PDILT: variants seen among roughly 807,000 people sequenced by gnomAD.
The protein encoded by PDILT is protein disulfide isomerase like, testis expressed, also known as protein disulfide-isomerase-like protein of the testis.
PDILT carries 43 observed loss-of-function variants against 53.7 expected under a neutral mutation model. That is an observed-to-expected ratio of 0.80 (90% confidence interval 0.63 to 1.03). The LOEUF is 1.03. PDILT is among the 50% of genes least tolerant of loss of function. The pLI, the probability that PDILT is intolerant of heterozygous loss-of-function variation, is 0.00. For synonymous variants in PDILT, 282 were observed against 274.2 expected (o/e 1.03, Z -0.28); for missense variants, 727 against 712.3 (o/e 1.02, Z -0.24).
chr16:20,366,090 C>CAA (rs34816350), intron 8 of PDILT, among the ~76,000 whole-genome samples: 17 of 72,228 alleles, frequency 2.4e-4, no homozygotes, highest in Admixed American at 3.2e-4. Flanking sequence ...ATTTCGTCTC[C>CAA]AAAAAAAAAA....
At chr16:20,391,824 G>C (rs1042929724) in intron 2 of PDILT, among the ~76,000 whole-genome samples, 3 of 151,938 alleles carry the variant, frequency 2.0e-5, no homozygotes, top group Non-Finnish European at 4.4e-5. Flanking sequence ...GACTAAGTGG[G>C]AGTGAAGGTG....
intron 5 of PDILT, 54 bp downstream of exon 5, chr16:20,374,768 A>T: frequency 6.4e-7 from 1 of 1,556,414 alleles, no homozygotes; most frequent in Non-Finnish European, 8.7e-7. Context: ...AGCTCATACG[A>T]TTCCACTACT....
At chr16:20,375,027 G>A in intron 4 of PDILT, 68 bp from the exon 5 acceptor site, 3 of 1,490,582 alleles carry the variant, frequency 2.0e-6, no homozygotes, top group Non-Finnish European at 2.7e-6. Context: ...ATAAGGGAAA[G>A]ACGGCAGTGG....
At chr16:20,394,518 A>G (rs1444971566) in intron 2 of PDILT, among the ~76,000 whole-genome samples, 5 of 152,208 alleles carry the variant, frequency 3.3e-5, no homozygotes, top group Non-Finnish European at 7.3e-5. Context: ...GGCAGTGATC[A>G]GGCCAATGGA....
Position 20,359,231 on chromosome 16 carries a change from T to C in PDILT, c.*88A>G. Reference sequence around the variant, plus strand: ...CCCCGCCCCACCTACCCTACCACAATGATATATGCTTTTATTGGAATCAAT... The same window carrying C: ...CCCCGCCCCACCTACCCTACCACAACGATATATGCTTTTATTGGAATCAAT... On this transcript the variant is annotated 3_prime_UTR_variant, in exon 12 of 12. Coordinates refer to ENST00000302451, the MANE Select transcript of PDILT (RefSeq NM_174924.2). The C allele has an allele frequency of 7.5e-7, 1 of 1,326,058 alleles. No homozygotes were observed. Among genetic ancestry groups the C allele is most frequent in the Non-Finnish European group, 1.0e-6 (1 of 978,244 alleles). 82.1% of individuals were successfully genotyped at this position (1,326,058 alleles called of 1,614,324 possible). A position where few individuals can be genotyped will look rare whatever the true frequency, so the allele number is the denominator to read the frequency against.
In PDILT at chr16:20,397,071, G is replaced by T. The variant is rs190864125; in HGVS notation, c.202+2028C>A. Among the ~76,000 whole-genome samples, 189 of 152,316 alleles carry T rather than the reference G, an allele frequency of 1.2e-3. 2 individuals are homozygous for T. Among genetic ancestry groups the T allele is most frequent in the Non-Finnish European group, 1.9e-3 (130 of 68,024 alleles). On this transcript the variant is annotated intron_variant, in intron 2 of 11. Transcript: ENST00000302451. The stretch of plus-strand genomic sequence containing the variant: ...TATTACGCATCAGTCACTGTGCTAA[G>T]CACATTATTTCACTTAATCCCCACA...
chr16:20,382,320 G>A (rs973888418), intron 3 of PDILT, among the ~76,000 whole-genome samples: 2 of 152,220 alleles, frequency 1.3e-5, no homozygotes, highest in Non-Finnish European at 2.9e-5. Flanking sequence ...ATGTAAAGCG[G>A]ATTTCAACAT....
At chr16:20,375,941 TA>T in intron 4 of PDILT, 126 bp downstream of exon 4, 12 of 1,241,328 alleles carry the variant, frequency 9.7e-6, no homozygotes, top group Admixed American at 2.4e-5. Context: ...GAGCTTCCCC[TA>T]AAAACCAGAT....
chr16:20,401,799 T>A lies in PDILT; in HGVS notation c.-7-2492A>T, dbSNP rs563877878. Among the ~76,000 whole-genome samples, 5 of 152,340 alleles carry A rather than the reference T, an allele frequency of 3.3e-5. No individual in the cohort carries two copies. In the South Asian group the frequency reaches 1.0e-3, roughly 32 times the overall value. On this transcript the variant is annotated intron_variant, in intron 1 of 11. Transcript: ENST00000302451. Reference sequence around the variant, plus strand: ...AAAAGCCAGGCGGGAGGAGCTACAGTGGGCTCCCTCTCATGTCCTCGTCTC... The same window carrying A: ...AAAAGCCAGGCGGGAGGAGCTACAGAGGGCTCCCTCTCATGTCCTCGTCTC...
chr16:20,376,280 T>C (rs145625152), intron 3 of PDILT, 79 bp from the exon 4 acceptor site: 2 of 1,552,914 alleles, frequency 1.3e-6, no homozygotes, highest in Non-Finnish European at 8.8e-7. Context: ...TTCTCAAGTT[T>C]AATGCATAGA....
At position 20,369,561 on chromosome 16, in the gene PDILT, C is replaced by T. The variant is rs370181151; in HGVS notation, c.1047G>A (p.Met349Ile). 3 of 1,614,080 alleles carry T rather than the reference C, an allele frequency of 1.9e-6. No individual in the cohort carries two copies. The highest frequency in any genetic ancestry group is 2.7e-5 in the African/African-American group (2 of 74,930). ...LNLSSDARYK[M>I]PSDDITYESL... The stretch of plus-strand genomic sequence containing the variant: ...TTTCGTAGGTTATGTCATCTGAAGG[C>T]ATTTTGTACCTGGCGTCAGAGCTCA... The change falls in exon 8 of 12, where the codon ATG (methionine) becomes ATA (isoleucine). Residue 349 changes from methionine to isoleucine, a missense_variant. Met to Ile is a conservative substitution (Grantham distance 10). Transcript: ENST00000302451.
At chr16:20,391,132 C>A in intron 2 of PDILT, 1 of 156,330 alleles carries the variant, frequency 6.4e-6, no homozygotes, top group South Asian at 1.8e-4. Flanking sequence ...CAATTATCAC[C>A]AGCACCATCA....
intron 7 of PDILT, among the ~76,000 whole-genome samples, chr16:20,371,579 T>A (rs1165007147): frequency 6.6e-6 from 1 of 152,234 alleles, no homozygotes; most frequent in Non-Finnish European, 1.5e-5. Flanking sequence ...ACAGTATTAA[T>A]TCAACTGTTT....
intron 2 of PDILT, among the ~76,000 whole-genome samples, chr16:20,390,263 G>A (rs1313834008): frequency 6.6e-6 from 1 of 152,068 alleles, no homozygotes; most frequent in Non-Finnish European, 1.5e-5. Flanking sequence ...GTTTTTAAAA[G>A]ATCTGTACCT....
At chr16:20,395,317 G>T (rs1966649295) in intron 2 of PDILT, among the ~76,000 whole-genome samples, 2 of 152,320 alleles carry the variant, frequency 1.3e-5, no homozygotes, top group East Asian at 3.9e-4. Flanking sequence ...AAGTGATTGG[G>T]TGCAGCTCTG....
intron 10 of PDILT, among the ~76,000 whole-genome samples, chr16:20,362,047 T>A (rs1282081240): frequency 6.6e-6 from 1 of 152,162 alleles, no homozygotes; most frequent in Non-Finnish European, 1.5e-5. Context: ...ATACCCCACA[T>A]CCAATATTCT....
chr16:20,393,916 T>A (rs1966633861), intron 2 of PDILT, among the ~76,000 whole-genome samples: 2 of 152,252 alleles, frequency 1.3e-5, no homozygotes, highest in South Asian at 4.1e-4. Flanking sequence ...ACATTCAGTT[T>A]TAACTGTGAC....
intron 3 of PDILT, 105 bp from the exon 4 acceptor site, chr16:20,376,306 G>C (rs1452897701): frequency 7.1e-7 from 1 of 1,400,296 alleles, no homozygotes; most frequent in Non-Finnish European, 9.6e-7. Context: ...CTTGTCTCAG[G>C]CTCCCACCCC....
intron 4 of PDILT, 63 bp downstream of exon 4, chr16:20,376,005 C>A: frequency 6.3e-7 from 1 of 1,588,684 alleles, no homozygotes; most frequent in Non-Finnish European, 8.6e-7. Context: ...CTCACACCAC[C>A]CCCTCCCAGA....
Sources: allele counts gnomAD v4.1 joint callset (sites outside exome capture counted in the v4.1 genomes callset), GRCh38; gene constraint gnomAD v4.1.1; transcripts MANE v1.5; gene names NCBI Gene and HGNC (gene_info 2026-07-23, HGNC 2026-07-21).